The following PDE11A variants were observed in gnomAD, a reference collection of about 807,000 sequenced individuals.
PDE11A encodes the protein phosphodiesterase 11A.
Under a neutral mutation model 100.5 loss-of-function variants are expected in PDE11A, and 100 were observed. That is an observed-to-expected ratio of 1.00 (90% CI 0.85 to 1.18). The LOEUF is 1.18. Among genes scored for constraint, PDE11A ranks in the 50% most tolerant of loss-of-function variants. The probability of loss-of-function intolerance (pLI) is 0.00; values close to 1 mark genes in which losing one functional copy is unlikely to be tolerated. For missense variants in PDE11A, 1,141 were observed against 1,152.6 expected, an observed-to-expected ratio of 0.99 and a Z score of 0.15; for synonymous variants, 381 against 420.8, an observed-to-expected ratio of 0.91 and a Z score of 1.16.
intron 19 of PDE11A, among the ~76,000 whole-genome samples, chr2:177,645,343 G>A (rs1306171187): frequency 2.0e-5 from 3 of 152,030 alleles, no homozygotes; most frequent in Admixed American, 6.5e-5. Context: ...GTGTCACCAG[G>A]CCTGGTTAGT....
intron 6 of PDE11A, among the ~76,000 whole-genome samples, chr2:177,836,901 G>C (rs201025496): frequency 2.0e-5 from 3 of 152,134 alleles, no homozygotes; most frequent in African/African-American, 7.2e-5. Context: ...AAACACATCC[G>C]AACATCAGAA....
At chr2:178,094,975 C>T (rs1017116188) in intron 2 of PDE11A, among the ~76,000 whole-genome samples, 2 of 152,210 alleles carry the variant, frequency 1.3e-5, no homozygotes, top group African/African-American at 4.8e-5. Context: ...TCCCTCCACA[C>T]GTGGAGATTA....
intron 19 of PDE11A, among the ~76,000 whole-genome samples, chr2:177,641,921 A>G (rs1574089878): frequency 6.6e-6 from 1 of 152,322 alleles, no homozygotes; most frequent in Admixed American, 6.5e-5. Context: ...TAAATTCTCA[A>G]AACTACCAGG....
chr2:177,707,888 T>A (rs3731809), intron 13 of PDE11A, among the ~76,000 whole-genome samples: 1 of 152,156 alleles, frequency 6.6e-6, no homozygotes, highest in South Asian at 2.1e-4. Context: ...CTCTTGAAAG[T>A]ACTGAAAAGG....
chr2:178,048,940 G>C (rs2086787193), intron 1 of PDE11A, among the ~76,000 whole-genome samples: 1 of 152,172 alleles, frequency 6.6e-6, no homozygotes, highest in Admixed American at 6.5e-5. Flanking sequence ...GAGGAACACA[G>C]AGTCCTTCCT....
chr2:178,099,446 G>GAAA (rs201692711), intron 2 of PDE11A, among the ~76,000 whole-genome samples: 61 of 84,500 alleles, frequency 7.2e-4, no homozygotes, highest in Non-Finnish European at 9.8e-4. Context: ...CATCTCAAGA[G>GAAA]AAAAAAAAAA....
At chr2:177,829,329 A>G (rs971043941) in intron 6 of PDE11A, among the ~76,000 whole-genome samples, 7 of 152,172 alleles carry the variant, frequency 4.6e-5, no homozygotes, top group African/African-American at 2.4e-5. Context: ...TTTTAAACAT[A>G]CTTCTCTGTT....
chr2:177,673,862 G>A (rs2080724917), intron 17 of PDE11A, among the ~76,000 whole-genome samples: 1 of 152,166 alleles, frequency 6.6e-6, no homozygotes, highest in Admixed American at 6.6e-5. Context: ...GTTGCGGGAA[G>A]CATTTAATTG....
At chr2:178,006,027 G>A (rs2086205901) in intron 2 of PDE11A, among the ~76,000 whole-genome samples, 1 of 152,102 alleles carries the variant, frequency 6.6e-6, no homozygotes, top group South Asian at 2.1e-4. Flanking sequence ...CTGCTGAAAG[G>A]GGCCTGTAAA....
chr2:177,805,379 A>C (rs1042130340), intron 9 of PDE11A, among the ~76,000 whole-genome samples: 14 of 151,996 alleles, frequency 9.2e-5, no homozygotes, highest in African/African-American at 3.1e-4. Flanking sequence ...GGCAGAAATA[A>C]ACCTGCTTTG....
chr2:177,856,936 T>C (rs1337071856), intron 5 of PDE11A, among the ~76,000 whole-genome samples: 3 of 152,098 alleles, frequency 2.0e-5, no homozygotes, highest in South Asian at 4.1e-4. Flanking sequence ...AACATTAATC[T>C]ACACATTAAA....
chr2:177,657,702 G>A (rs1178368926), intron 19 of PDE11A, among the ~76,000 whole-genome samples: 1 of 152,006 alleles, frequency 6.6e-6, no homozygotes, highest in East Asian at 1.9e-4. Flanking sequence ...GGGTGAGAGA[G>A]AGGGAGAGTA....
At position 178,072,632 on chromosome 2, in the gene PDE11A, C is replaced by T. The variant is rs2087152605; in HGVS notation, c.-195G>A. The T allele has an allele frequency of 4.0e-6, 6 of 1,481,914 alleles. No homozygotes were observed. The highest frequency in any genetic ancestry group is 4.5e-6 in the Non-Finnish European group (5 of 1,119,780). 91.8% of individuals were successfully genotyped at this position (1,481,914 alleles called of 1,614,324 possible). On this transcript the variant is annotated 5_prime_UTR_variant, in exon 1 of 20. Coordinates refer to ENST00000286063, the MANE Select transcript of PDE11A (RefSeq NM_016953.4). ...CTGGCTCAGAGTGGCTGGCGCCGAC[C>T]CCACCCCGTGGTCCTGCTACTCCTG...
rs2079929383 is a variant in PDE11A at position 177,631,511 on chromosome 2, AAATATAT to A, written c.2647-1956_2647-1950del. ...AAAAAAAAAAAAAAAAAAAAAAAAA[AAATATAT>A]ATATATATATATATATATATATATA... is the stretch of plus-strand genomic sequence containing the variant. On this transcript the variant is annotated intron_variant, in intron 19 of 19. Transcript: ENST00000286063. Among the ~76,000 whole-genome samples, 2 of 15,868 alleles carry A rather than the reference AAATATAT, an allele frequency of 1.3e-4. 1 individual carries two copies. Among genetic ancestry groups the A allele is most frequent in the African/African-American group, 3.4e-4 (2 of 5,838 alleles). 10.4% of individuals were successfully genotyped at this position (15,868 alleles called of 152,430 possible).
At chr2:177,736,172 C>T (rs1337222088) in intron 10 of PDE11A, among the ~76,000 whole-genome samples, 1 of 151,980 alleles carries the variant, frequency 6.6e-6, no homozygotes, top group Non-Finnish European at 1.5e-5. Flanking sequence ...AGAGAGAGTA[C>T]TCTAGAACCA....
At chr2:177,697,497 C>T (rs1467438058) in intron 14 of PDE11A, 65 bp from the exon 15 acceptor site, 6 of 826,532 alleles carry the variant, frequency 7.3e-6, no homozygotes, top group Admixed American at 3.5e-5. Context: ...ACATGTTTTT[C>T]CTCTATTTAA....
At chr2:177,901,926 C>A (rs1028637511) in intron 3 of PDE11A, among the ~76,000 whole-genome samples, 2 of 152,174 alleles carry the variant, frequency 1.3e-5, no homozygotes, top group Non-Finnish European at 2.9e-5. Context: ...GAGTCTTGCA[C>A]TGACAAATCA....
intron 9 of PDE11A, among the ~76,000 whole-genome samples, chr2:177,789,899 C>G (rs1309740472): frequency 1.3e-5 from 2 of 151,710 alleles, no homozygotes; most frequent in South Asian, 2.1e-4. Context: ...AGGATACAAA[C>G]AAATGGAAGA....
At chr2:178,051,350 A>G (rs2086824422) in intron 1 of PDE11A, among the ~76,000 whole-genome samples, 1 of 152,246 alleles carries the variant, frequency 6.6e-6, no homozygotes, top group South Asian at 2.1e-4. Context: ...AGAGCTCCTG[A>G]AGGAAGCACT....
Sources: gnomAD v4.1 joint callset for allele counts (sites outside exome capture counted in the v4.1 genomes callset) on GRCh38, gnomAD v4.1.1 for gene constraint, MANE v1.5 for transcripts, NCBI Gene and HGNC (gene_info 2026-07-23, HGNC 2026-07-21) for gene names.